Variants in GPATCH2 observed in about 807,000 individuals in gnomAD.
The protein encoded by GPATCH2 is G patch domain-containing protein 2.
A neutral mutation model predicts 58.0 loss-of-function variants in GPATCH2; 51 were observed. The ratio of observed to expected loss-of-function variants is 0.88; its 90% CI spans 0.70 to 1.11. The LOEUF (loss-of-function observed/expected upper bound fraction) is 1.11, where lower values mean the gene tolerates loss of function less well. Ranked by LOEUF, GPATCH2 falls within the 50% of genes most tolerant of loss-of-function variation. The pLI, the probability that GPATCH2 is intolerant of heterozygous loss-of-function variation, is 0.00. For synonymous variants in GPATCH2, 222 were observed against 218.5 expected (o/e 1.02, Z -0.14); for missense variants, 625 against 652.2 (o/e 0.96, Z 0.45).
chr1:217,462,950 T>G (rs923155741), intron 8 of GPATCH2, among the ~76,000 whole-genome samples: 1 of 152,132 alleles, frequency 6.6e-6, no homozygotes, highest in African/African-American at 2.4e-5. Context: ...ATGGAGATGA[T>G]AGCAGAACCA....
intron 8 of GPATCH2, among the ~76,000 whole-genome samples, chr1:217,469,115 C>G (rs1437969568): frequency 6.6e-6 from 1 of 151,574 alleles, no homozygotes; most frequent in Non-Finnish European, 1.5e-5. Flanking sequence ...TGCATAGACC[C>G]CTGGACTGTA....
At chr1:217,543,504 C>T (rs374549898) in intron 5 of GPATCH2, among the ~76,000 whole-genome samples, 5 of 151,956 alleles carry the variant, frequency 3.3e-5, no homozygotes, top group African/African-American at 1.2e-4. Context: ...CTCCTGACCT[C>T]GTGATCTGCC....
chr1:217,489,972 T>C lies in GPATCH2; in HGVS notation c.1277+1708A>G, dbSNP rs541986203. On this transcript the variant is annotated intron_variant, in intron 8 of 9. Coordinates refer to ENST00000366935, the MANE Select transcript of GPATCH2 (RefSeq NM_018040.5). ...ACTTTATAGAAGCAATGATTATTTA[T>C]ATAAACATTTTAATCAGTATATTGG... Among the ~76,000 whole-genome samples the C allele has an allele frequency of 5.7e-4, 87 of 152,268 alleles. 1 individual carries two copies. Among genetic ancestry groups the C allele is most frequent in the Non-Finnish European group, 2.1e-4 (14 of 68,046 alleles).
chr1:217,556,952 C>T (rs1164566398), intron 5 of GPATCH2, among the ~76,000 whole-genome samples: 1 of 152,170 alleles, frequency 6.6e-6, no homozygotes, highest in Non-Finnish European at 1.5e-5. Flanking sequence ...AAGTTGAACA[C>T]ATATCATGTT....
intron 5 of GPATCH2, chr1:217,608,318 A>T (rs1037809656): frequency 4.9e-5 from 48 of 983,970 alleles, no homozygotes; most frequent in Non-Finnish European, 5.3e-5. Context: ...AGTTTTAAAT[A>T]CAAAAAACAT....
At chr1:217,459,634 TAC>T (rs778859269) in intron 8 of GPATCH2, among the ~76,000 whole-genome samples, 62 of 152,306 alleles carry the variant, frequency 4.1e-4, no homozygotes, top group Non-Finnish European at 7.6e-4. Context: ...CAAAATAGAC[TAC>T]AGATTCAGAT....
intron 6 of GPATCH2, among the ~76,000 whole-genome samples, chr1:217,513,570 T>C (rs1218928346): frequency 1.3e-5 from 2 of 152,176 alleles, no homozygotes; most frequent in Non-Finnish European, 2.9e-5. Context: ...AGATATATGG[T>C]ATTGCTCTAA....
At chr1:217,464,142 A>T (rs976922817) in intron 8 of GPATCH2, among the ~76,000 whole-genome samples, 1 of 151,408 alleles carries the variant, frequency 6.6e-6, no homozygotes, top group African/African-American at 2.5e-5. Flanking sequence ...GAATTTAACA[A>T]AGAAAGTCAT....
chr1:217,523,475 A>G (rs1161227772), intron 5 of GPATCH2, among the ~76,000 whole-genome samples: 1 of 151,644 alleles, frequency 6.6e-6, no homozygotes, highest in Non-Finnish European at 1.5e-5. Context: ...TGTTTCAGAG[A>G]GCACAGGGTT....
At chr1:217,558,336 C>T (rs1185998410) in intron 5 of GPATCH2, among the ~76,000 whole-genome samples, 2 of 152,152 alleles carry the variant, frequency 1.3e-5, no homozygotes, top group African/African-American at 2.4e-5. Context: ...TATTTTGACA[C>T]TGAATACATG....
chr1:217,541,082 T>G (rs1156305546), intron 5 of GPATCH2, among the ~76,000 whole-genome samples: 1 of 152,224 alleles, frequency 6.6e-6, no homozygotes, highest in Non-Finnish European at 1.5e-5. Context: ...GACAAATATA[T>G]TCATCTATAG....
chr1:217,595,505 T>C (rs1354369502), intron 5 of GPATCH2, among the ~76,000 whole-genome samples: 1 of 146,288 alleles, frequency 6.8e-6, no homozygotes, highest in African/African-American at 2.4e-5. Context: ...TTTTCTTTTT[T>C]TCTTTTTTTT....
At chr1:217,485,459 C>CTTTT (rs56048191) in intron 8 of GPATCH2, among the ~76,000 whole-genome samples, 1 of 137,056 alleles carries the variant, frequency 7.3e-6, no homozygotes. Context: ...GGTTGAATAT[C>CTTTT]TTTTTTTTTT....
Position 217,552,336 on chromosome 1 carries a change from C to T in GPATCH2, c.1099-37447G>A, listed in dbSNP as rs79592941. Among the ~76,000 whole-genome samples the T allele has an allele frequency of 4.5e-3, 686 of 152,234 alleles. 10 individuals are homozygous for T. The highest frequency in any genetic ancestry group is 0.015 in the African/African-American group (637 of 41,556). On this transcript the variant is annotated intron_variant, in intron 5 of 9. Transcript: ENST00000366935. ...TAAACATACTCATATGGCATATCCA[C>T]ATACACACATATACTATTCAGAATG...
At chr1:217,495,373 G>C (rs959059779) in intron 7 of GPATCH2, among the ~76,000 whole-genome samples, 1 of 152,118 alleles carries the variant, frequency 6.6e-6, no homozygotes, top group African/African-American at 2.4e-5. Context: ...GCTCAGGAGT[G>C]CTTCTATTGG....
At chr1:217,602,315 C>T (rs1356437057) in intron 5 of GPATCH2, among the ~76,000 whole-genome samples, 1 of 152,110 alleles carries the variant, frequency 6.6e-6, no homozygotes, top group Non-Finnish European at 1.5e-5. Context: ...TTCATGGTTT[C>T]CTGAATACCC....
chr1:217,480,292 G>GA (rs560432330), intron 8 of GPATCH2, among the ~76,000 whole-genome samples: 2,068 of 148,764 alleles, frequency 0.014, 17 homozygotes, highest in Middle Eastern at 0.049. Flanking sequence ...AACTCTACAG[G>GA]AAAAAAAAAA....
intron 6 of GPATCH2, among the ~76,000 whole-genome samples, chr1:217,507,701 T>C (rs953793738): frequency 6.6e-6 from 1 of 152,180 alleles, no homozygotes; most frequent in Non-Finnish European, 1.5e-5. Flanking sequence ...CATGCAATAA[T>C]TACCTTTTAA....
At chr1:217,488,963 G>A (rs182445993) in intron 8 of GPATCH2, among the ~76,000 whole-genome samples, 4 of 151,808 alleles carry the variant, frequency 2.6e-5, no homozygotes, top group Non-Finnish European at 4.4e-5. Context: ...AACAGGTGTG[G>A]GCCTCTTCGA....
Sources: allele counts gnomAD v4.1 joint callset (sites outside exome capture counted in the v4.1 genomes callset), GRCh38; gene constraint gnomAD v4.1.1; transcripts MANE v1.5; gene names NCBI Gene and HGNC (gene_info 2026-07-23, HGNC 2026-07-21).